CNTRL: variants seen among roughly 807,000 people sequenced by gnomAD.
CNTRL encodes 110 kDa centrosomal protein.
CNTRL carries 233 observed loss-of-function variants against 303.7 expected under a neutral mutation model. The observed-to-expected ratio is 0.77, with a 90% CI of 0.69 to 0.86. The LOEUF is 0.86. CNTRL is among the 40% of genes least tolerant of loss of function. The pLI is 0.00. For missense variants in CNTRL, 2,524 were observed against 2,650.6 expected (o/e 0.95, Z 1.05); for synonymous variants, 900 against 922.2 (o/e 0.98, Z 0.44).
intron 25 of CNTRL, among the ~76,000 whole-genome samples, chr9:121,151,406 T>C (rs1295933499): frequency 8.2e-5 from 12 of 146,904 alleles, no homozygotes; most frequent in African/African-American, 3.0e-4. Context: ...TTTTTTTTTT[T>C]TTGAGACGGA....
intron 14 of CNTRL, among the ~76,000 whole-genome samples, chr9:121,128,958 GTTAT>G (rs1323798240): frequency 2.0e-5 from 3 of 152,110 alleles, no homozygotes; most frequent in African/African-American, 7.2e-5. Flanking sequence ...GATGTGTGGT[GTTAT>G]TTATTTCTGC....
Position 121,175,176 on chromosome 9 carries a change from T to C in CNTRL, c.6906T>C (p.Ser2302=). ...ATTCAGCGTCATCACCCAGTCTGTC[T>C]CAGCTGGAGTCTTCCCTCACAGAGG... ...SADSASSPSL[S]QLESSLTEDS... The change falls in exon 43 of 44, where the codon TCT becomes TCC. Residue 2302 remains serine (S), a synonymous_variant. Coordinates refer to ENST00000373855, the MANE Select transcript of CNTRL (RefSeq NM_007018.6). 6.2e-7 allele frequency: 1 copy of C among 1,614,162 alleles called. No homozygotes were observed. The highest frequency in any genetic ancestry group is 8.5e-7 in the Non-Finnish European group (1 of 1,180,032).
rs545587825 is a variant in CNTRL, at chr9:121,075,077, A to C, written c.-205+10A>C. The C allele has an allele frequency of 2.4e-4, 98 of 400,060 alleles. No homozygotes were observed. The Middle Eastern group carries it at 7.4e-3, about 30-fold the overall frequency. The allele number at this position is 400,060 out of a possible 1,614,324, so 24.8% of individuals were successfully genotyped here. ...GCTCGGCTTCTAGGCGGTGAGCGTC[A>C]GACCTGGCCGAGCCCGTTCCCCGGC... On this transcript the variant is annotated intron_variant, in intron 1 of 43. Coordinates refer to ENST00000373855, the MANE Select transcript of CNTRL (RefSeq NM_007018.6).
intron 14 of CNTRL, among the ~76,000 whole-genome samples, chr9:121,133,808 T>G (rs1355877368): frequency 6.6e-6 from 1 of 152,204 alleles, no homozygotes; most frequent in East Asian, 1.9e-4. Flanking sequence ...TTATATATAT[T>G]TTTATACAGA....
At chr9:121,162,801 C>A (rs1368108181) in intron 34 of CNTRL, among the ~76,000 whole-genome samples, 5 of 152,006 alleles carry the variant, frequency 3.3e-5, no homozygotes, top group Non-Finnish European at 7.4e-5. Flanking sequence ...CTTTTATAAA[C>A]CTGTAGTAAT....
intron 1 of CNTRL, among the ~76,000 whole-genome samples, chr9:121,078,761 A>T (rs1226200645): frequency 1.3e-5 from 2 of 152,258 alleles, no homozygotes; most frequent in Admixed American, 1.3e-4. Context: ...CACAGAATTC[A>T]GGGAGCACTT....
chr9:121,090,286 C>T lies in CNTRL; in HGVS notation c.229C>T (p.His77Tyr). ...TTCTATAATTTCAGGAGCTGATTCA[C>T]ATGCAGGAGTTAGATATATTACAGA... Reference protein sequence around the residue: ...DYQDHKGADSHAGVRYITEAL... With the variant: ...DYQDHKGADSYAGVRYITEAL... The change falls in exon 4 of 44, where the codon CAT becomes TAT. Residue 77 changes from histidine (H) to tyrosine (Y), a missense_variant. Transcript: ENST00000373855. 1 of 1,599,770 alleles carries T rather than the reference C, an allele frequency of 6.3e-7. No homozygotes were observed. The highest frequency in any genetic ancestry group is 8.5e-7 in the Non-Finnish European group (1 of 1,174,126).
At chr9:121,079,288 TGGG>T (rs1266926409) in intron 1 of CNTRL, among the ~76,000 whole-genome samples, 3 of 152,204 alleles carry the variant, frequency 2.0e-5, no homozygotes, top group East Asian at 3.9e-4. Context: ...TTATGTAACT[TGGG>T]GGAGTTTTTC....
intron 34 of CNTRL, among the ~76,000 whole-genome samples, chr9:121,164,363 C>T (rs1389097213): frequency 3.3e-5 from 5 of 152,124 alleles, no homozygotes; most frequent in African/African-American, 1.2e-4. Flanking sequence ...TCATGACAGC[C>T]TTATTTGTAA....
intron 17 of CNTRL, 55 bp downstream of exon 17, chr9:121,140,841 G>C: frequency 1.3e-6 from 2 of 1,542,998 alleles, no homozygotes; most frequent in Non-Finnish European, 1.8e-6. Context: ...CTTGAGAGTT[G>C]TGAGTGTGAG....
chr9:121,103,663 T>C (rs943203138), intron 7 of CNTRL, among the ~76,000 whole-genome samples: 1 of 152,170 alleles, frequency 6.6e-6, no homozygotes, highest in Non-Finnish European at 1.5e-5. Flanking sequence ...GACAAAGGGC[T>C]AATATCCAGA....
Position 121,154,798 on chromosome 9 carries a change from T to C in CNTRL, c.4250T>C (p.Ile1417Thr), listed in dbSNP as rs1009221736. 9 of 1,612,646 alleles carry C rather than the reference T, an allele frequency of 5.6e-6. No individual in the cohort carries two copies. Among genetic ancestry groups the C allele is most frequent in the Admixed American group, 1.7e-5 (1 of 60,010 alleles). Residue 1417 changes from isoleucine to threonine, a missense_variant, in exon 27 of 44, where the codon ATT (isoleucine) becomes ACT (threonine). By Grantham distance (89) the Ile-to-Thr change is moderately conservative. Coordinates refer to ENST00000373855, the MANE Select transcript of CNTRL (RefSeq NM_007018.6). ...AAATCACTCAAACATCATGAAGATA[T>C]TGTAGATGAAATTGAGTGCATTGAG... is the stretch of plus-strand genomic sequence containing the variant. ...IEKSLKHHED[I>T]VDEIECIEKT...
Position 121,175,061 on chromosome 9 carries a change from T to C in CNTRL, c.6791T>C (p.Ile2264Thr). The change falls in exon 43 of 44, where the codon ATT (isoleucine) becomes ACT (threonine). Residue 2264 changes from isoleucine to threonine, a missense_variant. Physicochemically the swap from Ile to Thr is moderately conservative, Grantham distance 89. Transcript: ENST00000373855. Reference sequence around the variant, plus strand: ...ATGTCCAAGCAAGCAGAAGTATTAATTAAAGGAAAGCGGCAGACAGAGGGC... The same window carrying C: ...ATGTCCAAGCAAGCAGAAGTATTAACTAAAGGAAAGCGGCAGACAGAGGGC... ...HCMSKQAEVL[I>T]KGKRQTEGTL... The C allele has an allele frequency of 1.2e-6, 2 of 1,613,766 alleles. No individual in the cohort carries two copies. The highest frequency in any genetic ancestry group is 1.7e-6 in the Non-Finnish European group (2 of 1,179,942).
At position 121,167,540 on chromosome 9, in the gene CNTRL, C is replaced by T. The variant is rs370824941; in HGVS notation, c.5707C>T (p.Arg1903Ter). The T allele has an allele frequency of 9.9e-6, 16 of 1,613,814 alleles. No individual in the cohort carries two copies. Among genetic ancestry groups the T allele is most frequent in the Non-Finnish European group, 1.4e-5 (16 of 1,179,978 alleles). ...GGATGTGTTGCTCAGTGAGCAGACC[C>T]GACTCCAGAAGGACATCAGTGAATG... ...HQDVLLSEQT[R>*]LQKDISEWAN... Residue 1903 changes from arginine (R) to a stop codon, truncating the protein, a stop_gained, in exon 37 of 44, where the codon CGA becomes TGA. Coordinates refer to ENST00000373855, the MANE Select transcript of CNTRL (RefSeq NM_007018.6). LOFTEE classifies it high-confidence loss of function.
At chr9:121,081,131 C>A (rs2048123475) in intron 2 of CNTRL, among the ~76,000 whole-genome samples, 2 of 152,140 alleles carry the variant, frequency 1.3e-5, no homozygotes, top group African/African-American at 4.8e-5. Flanking sequence ...TGGGTAGGAC[C>A]CCTATGGAAT....
At position 121,107,902 on chromosome 9, in the gene CNTRL, A is replaced by G; in HGVS notation, c.909A>G (p.Gln303=). The G allele has an allele frequency of 6.2e-7, 1 of 1,611,162 alleles. No individual in the cohort carries two copies. The highest frequency in any genetic ancestry group is 8.5e-7 in the Non-Finnish European group (1 of 1,178,590). ...GGTTCCTTGAGGAAATTAAAAATCA[A>G]GATAAATTGAATAAATCATTAAAAG... The part of the protein sequence containing the change: ...QTRFLEEIKN[Q]DKLNKSLKEE... The change falls in exon 8 of 44, where the codon CAA becomes CAG. Residue 303 remains glutamine (Q), a synonymous_variant. Coordinates refer to ENST00000373855, the MANE Select transcript of CNTRL (RefSeq NM_007018.6).
At chr9:121,169,574 G>T (rs776212371) in intron 38 of CNTRL, 37 bp from the exon 39 acceptor site, 46 of 1,606,568 alleles carry the variant, frequency 2.9e-5, no homozygotes, top group Non-Finnish European at 3.8e-5. Context: ...GCTGGCTCGG[G>T]GTCTTTGGCT....
intron 16 of CNTRL, among the ~76,000 whole-genome samples, chr9:121,139,618 G>A (rs554454692): frequency 6.6e-6 from 1 of 152,314 alleles, no homozygotes; most frequent in African/African-American, 2.4e-5. Flanking sequence ...TATGTGAGGT[G>A]TGTGTGTATG....
chr9:121,077,580 A>G (rs2047974048), intron 1 of CNTRL, among the ~76,000 whole-genome samples: 1 of 152,190 alleles, frequency 6.6e-6, no homozygotes, highest in Non-Finnish European at 1.5e-5. Flanking sequence ...CCTGACTTTT[A>G]CTAATCAGGA....
Sources: allele counts gnomAD v4.1 joint callset (sites outside exome capture counted in the v4.1 genomes callset), GRCh38; gene constraint gnomAD v4.1.1; transcripts MANE v1.5; gene names NCBI Gene and HGNC (gene_info 2026-07-23, HGNC 2026-07-21).